Variants in ZMAT2 observed in about 807,000 individuals in gnomAD.
ZMAT2 encodes zinc finger matrin-type 2.
Under a neutral mutation model 27.5 loss-of-function variants are expected in ZMAT2, and 5 were observed. The observed-to-expected ratio is 0.18, with a 90% CI of 0.10 to 0.38. The LOEUF (loss-of-function observed/expected upper bound fraction) is 0.38, where lower values mean the gene tolerates loss of function less well. Among genes scored for constraint, ZMAT2 ranks in the 10% least tolerant of loss-of-function variants. The pLI is 1.00. For missense variants in ZMAT2, 124 were observed against 243.9 expected (o/e 0.51, Z 3.27); for synonymous variants, 76 against 78.6 (o/e 0.97, Z 0.17).
intron 3 of ZMAT2, among the ~76,000 whole-genome samples, chr5:140,702,502 C>CTAT (rs1759979529): frequency 1.3e-5 from 2 of 152,272 alleles, no homozygotes; most frequent in African/African-American, 2.4e-5. Context: ...AAAAATCATA[C>CTAT]TATGAGCACT....
chr5:140,705,472 C>T, intron 5 of ZMAT2, 141 bp from the exon 6 acceptor site: 12 of 965,312 alleles, frequency 1.2e-5, no homozygotes, highest in Non-Finnish European at 1.8e-5. Context: ...GCCTCAATAT[C>T]CCCATATTAG....
chr5:140,702,065 T>C lies in ZMAT2; in HGVS notation c.172T>C (p.Leu58=), dbSNP rs1409487109. The C allele has an allele frequency of 7.4e-6, 12 of 1,613,530 alleles. No individual in the cohort carries two copies. The highest frequency in any genetic ancestry group is 1.0e-5 in the Non-Finnish European group (12 of 1,179,820). The change falls in exon 3 of 6, where the codon TTG becomes CTG. Residue 58 remains leucine, a synonymous_variant. Coordinates refer to ENST00000274712, the MANE Select transcript of ZMAT2 (RefSeq NM_144723.3). ...LLRHRDYKVD[L]ESKLGKTIVI... is the part of the protein sequence containing the mutation. Reference sequence around the variant, plus strand: ...ACGGCATAGGGACTACAAGGTGGACTTGGAATCCAAGCTTGGGAAGACAAT... The same window carrying C: ...ACGGCATAGGGACTACAAGGTGGACCTGGAATCCAAGCTTGGGAAGACAAT...
chr5:140,703,532 C>T (rs558687018), intron 3 of ZMAT2, among the ~76,000 whole-genome samples: 7 of 152,292 alleles, frequency 4.6e-5, no homozygotes, highest in South Asian at 2.1e-4. Context: ...CCATGCCCGG[C>T]CACCCCATAG....
At position 140,705,884 on chromosome 5, in the gene ZMAT2, A is replaced by T; in HGVS notation, c.*128A>T. On this transcript the variant is annotated 3_prime_UTR_variant, in exon 6 of 6. Coordinates refer to ENST00000274712, the MANE Select transcript of ZMAT2 (RefSeq NM_144723.3). ...TAAGAGTGTCAATGGGGAGGGATAG[A>T]GGGTGGGGGCTCATGGTTTCCCTCT... The T allele has an allele frequency of 3.2e-6, 4 of 1,248,668 alleles. No individual in the cohort carries two copies. Among genetic ancestry groups the T allele is most frequent in the South Asian group, 1.6e-5 (1 of 61,784 alleles). 77.3% of individuals were successfully genotyped at this position (1,248,668 alleles called of 1,614,324 possible).
At chr5:140,701,029 G>A (rs1047044327) in intron 2 of ZMAT2, 117 bp downstream of exon 2, 38 of 948,512 alleles carry the variant, frequency 4.0e-5, no homozygotes, top group Non-Finnish European at 5.5e-5. Context: ...GCAGAGTGCT[G>A]CTTCCCTGGG....
Position 140,700,815 on chromosome 5 carries a change from A to G in ZMAT2, c.19-4A>G. ...CGGATCTTGACGCTTTTTCCTCCCCACAGACAAAAAACTTGGACTTTCGCC... is the reference window on the plus strand; with the variant it reads ...CGGATCTTGACGCTTTTTCCTCCCCGCAGACAAAAAACTTGGACTTTCGCC... On this transcript the variant is annotated splice_region_variant and splice_polypyrimidine_tract_variant and intron_variant, in intron 1 of 5. Transcript: ENST00000274712. 6.2e-7 allele frequency: 1 copy of G among 1,613,774 alleles called. No homozygotes were observed. Among genetic ancestry groups the G allele is most frequent in the Admixed American group, 1.7e-5 (1 of 59,978 alleles).
intron 2 of ZMAT2, 146 bp from the exon 3 acceptor site, chr5:140,701,860 C>T: frequency 2.3e-6 from 2 of 888,610 alleles, no homozygotes; most frequent in Non-Finnish European, 1.6e-6. Context: ...AGATTCTCCC[C>T]AGCTGCTACT....
chr5:140,703,576 T>A (rs1760002865), intron 3 of ZMAT2, among the ~76,000 whole-genome samples: 2 of 152,186 alleles, frequency 1.3e-5, no homozygotes, highest in Admixed American at 1.3e-4. Context: ...ATAAAGCAAC[T>A]GGCTTCCCCA....
At chr5:140,703,881 A>T in intron 3 of ZMAT2, 37 bp from the exon 4 acceptor site, 1 of 1,594,548 alleles carries the variant, frequency 6.3e-7, no homozygotes, top group South Asian at 1.1e-5. Flanking sequence ...AGATCCTTAA[A>T]ACCATATTTG....
intron 5 of ZMAT2, 99 bp downstream of exon 5, chr5:140,704,670 G>A: frequency 7.7e-7 from 1 of 1,296,510 alleles, no homozygotes; most frequent in South Asian, 1.5e-5. Flanking sequence ...CCCACCCCCA[G>A]AGTTGTATCT....
chr5:140,703,776 ACT>A (rs1475698386), intron 3 of ZMAT2, 140 bp from the exon 4 acceptor site: 16 of 720,614 alleles, frequency 2.2e-5, no homozygotes, highest in Non-Finnish European at 3.1e-5. Flanking sequence ...TGACTGCTAT[ACT>A]CTCTCGAAAG....
At chr5:140,703,802 G>A in intron 3 of ZMAT2, 116 bp from the exon 4 acceptor site, 1 of 933,926 alleles carries the variant, frequency 1.1e-6, no homozygotes. Flanking sequence ...AGGCTTTATA[G>A]AAATGAAGGC....
At position 140,705,885 on chromosome 5, in the gene ZMAT2, G is replaced by A. The variant is rs1760048957; in HGVS notation, c.*129G>A. 1.6e-6 allele frequency: 2 copies of A among 1,259,226 alleles called. No homozygotes were observed. Among genetic ancestry groups the A allele is most frequent in the Non-Finnish European group, 2.2e-6 (2 of 923,754 alleles). 78.0% of individuals were successfully genotyped at this position (1,259,226 alleles called of 1,614,324 possible). A position where few individuals can be genotyped will look rare whatever the true frequency, so the allele number is the denominator to read the frequency against. ...AAGAGTGTCAATGGGGAGGGATAGA[G>A]GGTGGGGGCTCATGGTTTCCCTCTA... is the stretch of plus-strand genomic sequence containing the variant. On this transcript the variant is annotated 3_prime_UTR_variant, in exon 6 of 6. Transcript: ENST00000274712.
intron 5 of ZMAT2, among the ~76,000 whole-genome samples, chr5:140,704,931 C>T (rs1332180719): frequency 1.3e-5 from 2 of 151,630 alleles, no homozygotes; most frequent in Non-Finnish European, 2.9e-5. Flanking sequence ...ATACACCTAA[C>T]CTACTGTAGT....
In ZMAT2 at chr5:140,705,673, G is replaced by C. The variant is rs1368393315; in HGVS notation, c.517G>C (p.Glu173Gln). Reference sequence around the variant, plus strand: ...GAAGGAGAAGAAAAGGAGGGCTGAGGAGGACTTGACATTTGAGGAGGACGA... The same window carrying C: ...GAAGGAGAAGAAAAGGAGGGCTGAGCAGGACTTGACATTTGAGGAGGACGA... Reference protein sequence around the residue: ...KQKEKKRRAEEDLTFEEDDEM... With the variant: ...KQKEKKRRAEQDLTFEEDDEM... The change falls in exon 6 of 6, where the codon GAG becomes CAG. Residue 173 changes from glutamate (E) to glutamine (Q), a missense_variant. Glu to Gln is a conservative substitution (Grantham distance 29, BLOSUM62 2). Coordinates refer to ENST00000274712, the MANE Select transcript of ZMAT2 (RefSeq NM_144723.3). 1 of 1,614,160 alleles carries C rather than the reference G, an allele frequency of 6.2e-7. No individual in the cohort carries two copies. Among genetic ancestry groups the C allele is most frequent in the South Asian group, 1.1e-5 (1 of 91,082 alleles).
rs1381737646 is a variant in ZMAT2, at chr5:140,701,948, T to C, written c.113-58T>C. ...AATTTTGGATTTCATGCATTTTTTTTCCTTTCTGGTTGAGGAACTATAATA... is the reference window on the plus strand; with the variant it reads ...AATTTTGGATTTCATGCATTTTTTTCCCTTTCTGGTTGAGGAACTATAATA... On this transcript the variant is annotated intron_variant, in intron 2 of 5. Transcript: ENST00000274712. 10 of 1,544,462 alleles carry C rather than the reference T, an allele frequency of 6.5e-6. No individual in the cohort carries two copies. In the Admixed American group the frequency reaches 1.7e-4, roughly 26 times the overall value.
rs1760051129 is a variant in ZMAT2, at chr5:140,706,009, C to T, written c.*253C>T. ...ACAGGACCCTGCCCACCTGAGTTCC[C>T]AATAAAGAAAAACCTCCCCTTCTGA... On this transcript the variant is annotated 3_prime_UTR_variant, in exon 6 of 6. Transcript: ENST00000274712. 4.9e-6 allele frequency: 2 copies of T among 405,500 alleles called. No homozygotes were observed. The highest frequency in any genetic ancestry group is 8.3e-5 in the Admixed American group (2 of 23,986). The allele number at this position is 405,500 out of a possible 1,614,324, so 25.1% of individuals were successfully genotyped here.
intron 1 of ZMAT2, 142 bp from the exon 2 acceptor site, chr5:140,700,677 G>T: frequency 7.8e-7 from 1 of 1,276,786 alleles, no homozygotes; most frequent in Non-Finnish European, 1.1e-6. Flanking sequence ...GGGTCTTGAG[G>T]CTACCTCAGT....
Position 140,705,957 on chromosome 5 carries a change from C to A in ZMAT2, c.*201C>A. 1.7e-6 allele frequency: 1 copy of A among 597,448 alleles called. No individual in the cohort carries two copies. Among genetic ancestry groups the A allele is most frequent in the Non-Finnish European group, 2.7e-6 (1 of 373,680 alleles). The allele number at this position is 597,448 out of a possible 1,614,324, so 37.0% of individuals were successfully genotyped here. A position where few individuals can be genotyped will look rare whatever the true frequency, so the allele number is the denominator to read the frequency against. On this transcript the variant is annotated 3_prime_UTR_variant, in exon 6 of 6. Transcript: ENST00000274712. Reference sequence around the variant, plus strand: ...GCAGAGGTAATGCTGTGGCATATTGCTTCTGCCTCAGTGTATCACTGGAGT... The same window carrying A: ...GCAGAGGTAATGCTGTGGCATATTGATTCTGCCTCAGTGTATCACTGGAGT...
Sources: allele counts gnomAD v4.1 joint callset (sites outside exome capture counted in the v4.1 genomes callset), GRCh38; gene constraint gnomAD v4.1.1; transcripts MANE v1.5; gene names NCBI Gene and HGNC (gene_info 2026-07-23, HGNC 2026-07-21).